AVEN: variants seen among roughly 807,000 people sequenced by gnomAD.
AVEN encodes cell death regulator Aven.
In AVEN, 41 loss-of-function variants were observed where a neutral mutation model predicts 38.1. The ratio of observed to expected loss-of-function variants is 1.08; its 90% CI spans 0.84 to 1.40. The LOEUF (loss-of-function observed/expected upper bound fraction) is 1.40. Among genes scored for constraint, AVEN ranks in the 40% most tolerant of loss-of-function variants. The pLI is 0.00. For synonymous variants in AVEN, 206 were observed against 171.8 expected, an observed-to-expected ratio of 1.20 and a Z score of -1.56; for missense variants, 605 against 438.8, an observed-to-expected ratio of 1.38 and a Z score of -3.38.
chr15:34,038,876 C>CCGGCCACGGCCA lies in AVEN; in HGVS notation c.159_170dup (p.Arg55_Gly58dup), dbSNP rs1035895081. 2.7e-5 allele frequency: 31 copies of CCGGCCACGGCCA among 1,145,332 alleles called. No individual in the cohort carries two copies. The highest frequency in any genetic ancestry group is 3.2e-5 in the Non-Finnish European group (30 of 936,766). The allele number at this position is 1,145,332 out of a possible 1,614,324, so 70.9% of individuals were successfully genotyped here. A position where few individuals can be genotyped will look rare whatever the true frequency, so the allele number is the denominator to read the frequency against. ...GGCCTCCGCGAGCGCCGCGGAAGCC[C>CCGGCCACGGCCA]CGGCCACGGCCACGGCCCCGGCGTC... On this transcript the variant is annotated inframe_insertion, in exon 1 of 6. Coordinates refer to ENST00000306730, the MANE Select transcript of AVEN (RefSeq NM_020371.3).
At chr15:34,071,833 T>A (rs773632589) in intron 1 of AVEN, among the ~76,000 whole-genome samples, 18 of 152,346 alleles carry the variant, frequency 1.2e-4, no homozygotes, top group Non-Finnish European at 1.9e-4. Flanking sequence ...TAAAAAATCC[T>A]TTGATAGGTC....
downstream of AVEN, among the ~76,000 whole-genome samples, chr15:33,857,426 C>G (rs2079806953): frequency 6.6e-6 from 1 of 152,042 alleles, no homozygotes; most frequent in South Asian, 2.1e-4. Context: ...TCTTAACAAC[C>G]TCAGTTTAAC....
chr15:34,028,349 G>C (rs1310947007), intron 1 of AVEN, among the ~76,000 whole-genome samples: 10 of 152,130 alleles, frequency 6.6e-5, no homozygotes, highest in Admixed American at 2.0e-4. Flanking sequence ...TGGTTCACTT[G>C]AGCCCAGGAG....
At chr15:33,897,662 G>A (rs1892294672) in intron 2 of AVEN, among the ~76,000 whole-genome samples, 1 of 152,032 alleles carries the variant, frequency 6.6e-6, no homozygotes, top group Non-Finnish European at 1.5e-5. Flanking sequence ...AGGATTGCTT[G>A]AGGCCAAAAG....
chr15:33,871,297 T>A (rs1890938703), intron 3 of AVEN, among the ~76,000 whole-genome samples: 1 of 152,156 alleles, frequency 6.6e-6, no homozygotes, highest in African/African-American at 2.4e-5. Flanking sequence ...CTGGGCGCAG[T>A]GGCTCATGCC....
chr15:33,879,722 G>T lies in AVEN; in HGVS notation c.446-3727C>A, dbSNP rs140886555. Among the ~76,000 whole-genome samples the T allele has an allele frequency of 7.7e-3, 1,164 of 152,104 alleles. 5 individuals are homozygous for T. The highest frequency in any genetic ancestry group is 0.012 in the Non-Finnish European group (825 of 68,002). The stretch of plus-strand genomic sequence containing the variant: ...CGGAATTGATCACCATTAGACTCTC[G>T]CTATTAGAAATGATAAAGGACACCC... On this transcript the variant is annotated intron_variant, in intron 2 of 5. Transcript: ENST00000306730.
chr15:33,889,836 T>G (rs1314794975), intron 2 of AVEN, among the ~76,000 whole-genome samples: 1 of 152,230 alleles, frequency 6.6e-6, no homozygotes, highest in Admixed American at 6.5e-5. Context: ...TGTGGCTTCT[T>G]GTCACAGCAT....
intron 2 of AVEN, among the ~76,000 whole-genome samples, chr15:33,983,192 ATG>A (rs1215911798): frequency 0.22 from 14,898 of 67,808 alleles, 1,652 homozygotes; most frequent in African/African-American, 0.42. Context: ...ACGTGTGTGT[ATG>A]TGTGTGTATA....
At chr15:33,978,627 C>T (rs945482072) in intron 2 of AVEN, among the ~76,000 whole-genome samples, 1 of 151,962 alleles carries the variant, frequency 6.6e-6, no homozygotes, top group African/African-American at 2.4e-5. Flanking sequence ...TACGCCACTG[C>T]ATGCCAGCCT....
At chr15:33,891,753 G>C (rs144267743) in intron 2 of AVEN, among the ~76,000 whole-genome samples, 4,529 of 152,278 alleles carry the variant, frequency 0.03, 106 homozygotes, top group South Asian at 0.067. Flanking sequence ...CCAGTAGTGG[G>C]ATGGCTGGGT....
intron 2 of AVEN, among the ~76,000 whole-genome samples, chr15:33,999,790 C>A (rs536345): frequency 6.6e-5 from 10 of 152,006 alleles, no homozygotes; most frequent in South Asian, 6.2e-4. Flanking sequence ...ACTAGTCTAC[C>A]CGCTCCCCTC....
intron 2 of AVEN, among the ~76,000 whole-genome samples, chr15:33,900,844 T>C (rs147030237): frequency 6.6e-6 from 1 of 152,274 alleles, no homozygotes; most frequent in East Asian, 1.9e-4. Flanking sequence ...GTTTTTTGTG[T>C]TTTCTTCAGT....
At chr15:34,047,780 AC>A (rs1899765789) in intron 5 of AVEN, among the ~76,000 whole-genome samples, 8 of 149,608 alleles carry the variant, frequency 5.3e-5, no homozygotes, top group Admixed American at 5.3e-4. Flanking sequence ...AGATAGTCTC[AC>A]TTTGTCACCC....
chr15:34,039,649 G>A (rs1250421435), upstream of AVEN, among the ~76,000 whole-genome samples: 10 of 152,174 alleles, frequency 6.6e-5, no homozygotes, highest in African/African-American at 2.4e-4. Flanking sequence ...GCACGTGGGA[G>A]AGAGAACAGT....
chr15:33,873,417 G>A (rs992511134), intron 3 of AVEN, among the ~76,000 whole-genome samples: 9 of 148,330 alleles, frequency 6.1e-5, no homozygotes, highest in East Asian at 3.9e-4. Flanking sequence ...ATTGTCTTGC[G>A]TCACTGGTCA....
At chr15:33,902,327 T>C (rs1295129337) in intron 2 of AVEN, among the ~76,000 whole-genome samples, 2 of 152,136 alleles carry the variant, frequency 1.3e-5, no homozygotes, top group Non-Finnish European at 2.9e-5. Context: ...ATGAAAGATT[T>C]AAAAACCCCA....
In AVEN at chr15:33,859,391, T is replaced by C. The variant is rs1031284850; in HGVS notation, n.2730-297A>G. On this transcript the variant is annotated intron_variant and non_coding_transcript_variant, in intron 11 of 11. Transcript: ENST00000675287. The stretch of plus-strand genomic sequence containing the variant: ...ACGACAGTCTTTCCATCTTTGTAGA[T>C]ATCAAACTGTCCAGAGGGTGCAGTG... Among the ~76,000 whole-genome samples, 10 of 152,230 alleles carry C rather than the reference T, an allele frequency of 6.6e-5. No individual in the cohort carries two copies. In the East Asian group the frequency reaches 1.9e-3, roughly 29 times the overall value.
intron 2 of AVEN, among the ~76,000 whole-genome samples, chr15:33,925,090 CTG>C (rs1893563117): frequency 1.3e-5 from 2 of 152,174 alleles, no homozygotes; most frequent in South Asian, 2.1e-4. Context: ...TTATTAAACT[CTG>C]TGTTAACTAT....
At chr15:33,868,645 T>C in intron 4 of AVEN, among the ~76,000 whole-genome samples, 1 of 151,556 alleles carries the variant, frequency 6.6e-6, no homozygotes. Flanking sequence ...AGTAACAAAT[T>C]CACCAAGACT....
Sources: allele counts gnomAD v4.1 joint callset (sites outside exome capture counted in the v4.1 genomes callset), GRCh38; gene constraint gnomAD v4.1.1; transcripts MANE v1.5; gene names NCBI Gene and HGNC (gene_info 2026-07-23, HGNC 2026-07-21).